DOCK7: variants seen among roughly 807,000 people sequenced by gnomAD.
The protein encoded by DOCK7 is dedicator of cytokinesis 7.
DOCK7 carries 138 observed loss-of-function variants against 271.0 expected under a neutral mutation model. That is an observed-to-expected ratio of 0.51 (90% CI 0.44 to 0.59). The LOEUF is 0.59. Among genes scored for constraint, DOCK7 ranks in the 20% least tolerant of loss-of-function variants. DOCK7 has a pLI of 0.00. For synonymous variants in DOCK7, 823 were observed against 876.1 expected, an observed-to-expected ratio of 0.94 and a Z score of 1.07; for missense variants, 2,066 against 2,592.4, an observed-to-expected ratio of 0.80 and a Z score of 4.41.
At chr1:62,509,984 G>A (rs1443193450) in intron 34 of DOCK7, among the ~76,000 whole-genome samples, 1 of 152,168 alleles carries the variant, frequency 6.6e-6, no homozygotes. Context: ...TTATGGGCCA[G>A]TGAAGCTACT....
intron 43 of DOCK7, chr1:62,484,937 T>G: frequency 6.0e-6 from 1 of 166,024 alleles, no homozygotes; most frequent in Non-Finnish European, 1.2e-5. Flanking sequence ...GCCAGGAGTT[T>G]GAGATCAACC....
chr1:62,510,484 T>C, intron 34 of DOCK7, 93 bp downstream of exon 34: 5 of 861,818 alleles, frequency 5.8e-6, no homozygotes, highest in Non-Finnish European at 8.8e-6. Flanking sequence ...GTGTAAATAC[T>C]AAATGTAAAT....
rs1364967423 is a variant in DOCK7 at position 62,654,082 on chromosome 1, C to T, written c.222G>A (p.Gly74=). The T allele has an allele frequency of 6.2e-7, 1 of 1,613,918 alleles. No homozygotes were observed. The highest frequency in any genetic ancestry group is 8.5e-7 in the Non-Finnish European group (1 of 1,179,914). Reference sequence around the variant, plus strand: ...GAAATTCAATCAAATCCCGTAAAGGCCCAGAATCCACAGCCAAAGGATGAG... The same window carrying T: ...GAAATTCAATCAAATCCCGTAAAGGTCCAGAATCCACAGCCAAAGGATGAG... ...LITHPLAVDS[G]PLRDLIEFPP... The change falls in exon 3 of 50, where the codon GGG becomes GGA. Residue 74 remains glycine, a synonymous_variant. Transcript: ENST00000635253.
intron 26 of DOCK7, 32 bp downstream of exon 26, chr1:62,539,720 A>C (rs1180065735): frequency 1.2e-6 from 2 of 1,611,312 alleles, no homozygotes; most frequent in Non-Finnish European, 1.7e-6. Flanking sequence ...TGAGCTTGAA[A>C]GAGAGATAAG....
At chr1:62,603,799 A>G (rs1353874409) in intron 14 of DOCK7, among the ~76,000 whole-genome samples, 1 of 151,908 alleles carries the variant, frequency 6.6e-6, no homozygotes, top group Non-Finnish European at 1.5e-5. Flanking sequence ...GCACATAGCT[A>G]TCTTCAATAA....
chr1:62,602,512 T>G, intron 14 of DOCK7: 1 of 744,984 alleles, frequency 1.3e-6, no homozygotes, highest in East Asian at 2.6e-5. Context: ...TAATTTATTA[T>G]CAAACAATTA....
chr1:62,612,386 G>C (rs1409085805), intron 14 of DOCK7, among the ~76,000 whole-genome samples: 1 of 151,326 alleles, frequency 6.6e-6, no homozygotes, highest in Non-Finnish European at 1.5e-5. Flanking sequence ...CAGGGGGTTG[G>C]GTGCAAGGGA....
rs145788337 is a variant in DOCK7, at chr1:62,566,389, G to A, written c.2113-4686C>T. ...ACAGAACAGAGGCCTCAGAAATAAC[G>A]CCACACATCTACAACCATATGATCT... On this transcript the variant is annotated intron_variant, in intron 18 of 49. Coordinates refer to ENST00000635253, the MANE Select transcript of DOCK7 (RefSeq NM_001367561.1). Among the ~76,000 whole-genome samples the A allele has an allele frequency of 4.1e-3, 629 of 152,124 alleles. 5 individuals carry two copies. The highest frequency in any genetic ancestry group is 0.014 in the African/African-American group (592 of 41,508).
intron 7 of DOCK7, among the ~76,000 whole-genome samples, chr1:62,647,176 C>T (rs1656775972): frequency 6.6e-6 from 1 of 152,108 alleles, no homozygotes; most frequent in African/African-American, 2.4e-5. Flanking sequence ...ATTAACATGA[C>T]AGCATGAAAT....
intron 33 of DOCK7, 70 bp from the exon 34 acceptor site, chr1:62,510,743 A>C: frequency 8.4e-7 from 1 of 1,188,198 alleles, no homozygotes; most frequent in South Asian, 1.3e-5. Context: ...TATACTTGCA[A>C]TCATGTAAGA....
At chr1:62,577,235 G>T in intron 18 of DOCK7, 27 bp downstream of exon 18, 1 of 1,357,796 alleles carries the variant, frequency 7.4e-7, no homozygotes, top group South Asian at 2.0e-5. Flanking sequence ...ATTCAATCTG[G>T]AGAAAGTCAA....
intron 18 of DOCK7, among the ~76,000 whole-genome samples, chr1:62,574,572 G>C (rs1007189909): frequency 6.6e-6 from 1 of 152,178 alleles, no homozygotes; most frequent in African/African-American, 2.4e-5. Flanking sequence ...AGCAAACATA[G>C]AAGAAACAGT....
intron 43 of DOCK7, chr1:62,481,888 C>G (rs995863718): frequency 2.0e-5 from 3 of 152,126 alleles, no homozygotes; most frequent in Non-Finnish European, 2.9e-5. Context: ...TTATCCTCTC[C>G]CAGTTGTTTT....
At chr1:62,546,437 T>C (rs1645711925) in intron 22 of DOCK7, among the ~76,000 whole-genome samples, 1 of 152,126 alleles carries the variant, frequency 6.6e-6, no homozygotes, top group Non-Finnish European at 1.5e-5. Flanking sequence ...TGACAGTGAC[T>C]GTCTAATATG....
At chr1:62,517,556 T>C (rs919100474) in intron 31 of DOCK7, among the ~76,000 whole-genome samples, 2 of 151,924 alleles carry the variant, frequency 1.3e-5, no homozygotes, top group Non-Finnish European at 2.9e-5. Context: ...GATTGCGCCA[T>C]TGCACTCCAG....
intron 36 of DOCK7, 26 bp from the exon 37 acceptor site, chr1:62,504,808 A>G (rs375589456): frequency 6.2e-7 from 1 of 1,605,666 alleles, no homozygotes; most frequent in African/African-American, 1.3e-5. Context: ...ACAAACCACC[A>G]CTGAATTTTT....
chr1:62,606,661 C>T (rs909709699), intron 14 of DOCK7, among the ~76,000 whole-genome samples: 57 of 152,094 alleles, frequency 3.7e-4, no homozygotes, highest in African/African-American at 1.4e-3. Flanking sequence ...ATGGATTATC[C>T]CTTATCTGAA....
chr1:62,637,056 T>C (rs1340179438), intron 7 of DOCK7, among the ~76,000 whole-genome samples: 2 of 152,200 alleles, frequency 1.3e-5, no homozygotes, highest in Non-Finnish European at 2.9e-5. Flanking sequence ...CAAAGAATCA[T>C]AATTAACAGT....
chr1:62,603,121 A>G (rs1278884401), intron 14 of DOCK7, among the ~76,000 whole-genome samples: 2 of 151,766 alleles, frequency 1.3e-5, no homozygotes. Flanking sequence ...ATACTCAGTG[A>G]TAAGTTTTGT....
Sources: gnomAD v4.1 joint callset for allele counts (sites outside exome capture counted in the v4.1 genomes callset) on GRCh38, gnomAD v4.1.1 for gene constraint, MANE v1.5 for transcripts, NCBI Gene and HGNC (gene_info 2026-07-23, HGNC 2026-07-21) for gene names.